Variants in MAP3K20 observed in about 807,000 individuals in gnomAD.
MAP3K20 encodes HCCS-4.
A neutral mutation model predicts 85.7 loss-of-function variants in MAP3K20; 40 were observed. The ratio of observed to expected loss-of-function variants is 0.47; its 90% confidence interval spans 0.36 to 0.61. The LOEUF (loss-of-function observed/expected upper bound fraction) is 0.61, where lower values mean the gene tolerates loss of function less well. MAP3K20 is among the 20% of genes least tolerant of loss of function. The pLI is 0.00. For missense variants in MAP3K20, 817 were observed against 961.7 expected (o/e 0.85, Z 1.99); for synonymous variants, 325 against 327.7 (o/e 0.99, Z 0.09).
chr2:173,154,678 C>T (rs1430084981), intron 2 of MAP3K20, among the ~76,000 whole-genome samples: 1 of 152,192 alleles, frequency 6.6e-6, no homozygotes, highest in Non-Finnish European at 1.5e-5. Context: ...TGACTTCCAG[C>T]ACTCTGATGC....
intron 2 of MAP3K20, among the ~76,000 whole-genome samples, chr2:173,139,362 C>G (rs1688902718): frequency 6.6e-6 from 1 of 152,188 alleles, no homozygotes; most frequent in African/African-American, 2.4e-5. Flanking sequence ...TGAAGGAGAA[C>G]TCAGTAGCCT....
intron 2 of MAP3K20, among the ~76,000 whole-genome samples, chr2:173,128,984 C>T (rs1371433890): frequency 4.5e-5 from 6 of 133,610 alleles, no homozygotes; most frequent in African/African-American, 1.1e-4. Context: ...AGTGCAATGG[C>T]GCAATCTCGG....
intron 2 of MAP3K20, among the ~76,000 whole-genome samples, chr2:173,104,280 C>T (rs917384415): frequency 1.3e-5 from 2 of 152,120 alleles, no homozygotes; most frequent in Non-Finnish European, 2.9e-5. Context: ...AAGCATTTTA[C>T]CCCTGAGGTT....
At chr2:173,183,571 G>A (rs1036857982) in intron 4 of MAP3K20, among the ~76,000 whole-genome samples, 1 of 151,898 alleles carries the variant, frequency 6.6e-6, no homozygotes, top group African/African-American at 2.4e-5. Context: ...GCTTTCTAAA[G>A]CAATTCAAAC....
intron 1 of MAP3K20, among the ~76,000 whole-genome samples, chr2:173,087,473 C>T (rs1172381969): frequency 6.6e-6 from 1 of 152,142 alleles, no homozygotes; most frequent in Non-Finnish European, 1.5e-5. Flanking sequence ...ATGAATAACA[C>T]AAGAAACTTT....
intron 2 of MAP3K20, among the ~76,000 whole-genome samples, chr2:173,144,904 C>A (rs1450002124): frequency 1.3e-5 from 2 of 152,032 alleles, no homozygotes; most frequent in Non-Finnish European, 1.5e-5. Context: ...AATATAGATG[C>A]AACAGAATTT....
At chr2:173,109,595 G>T (rs1235594706) in intron 2 of MAP3K20, among the ~76,000 whole-genome samples, 1 of 151,960 alleles carries the variant, frequency 6.6e-6, no homozygotes, top group Non-Finnish European at 1.5e-5. Flanking sequence ...TATAAAGAAA[G>T]AAGTATTTCA....
chr2:173,253,910 A>G (rs1685097232), intron 16 of MAP3K20, among the ~76,000 whole-genome samples: 1 of 151,906 alleles, frequency 6.6e-6, no homozygotes, highest in Non-Finnish European at 1.5e-5. Context: ...TCTACAAAGA[A>G]TAAAGGCGAA....
At chr2:173,169,975 G>A (rs1410088242) in intron 3 of MAP3K20, 83 bp downstream of exon 3, 13 of 1,277,100 alleles carry the variant, frequency 1.0e-5, no homozygotes, top group African/African-American at 1.5e-5. Flanking sequence ...TTAATATTAG[G>A]CTCAGTTATG....
intron 11 of MAP3K20, chr2:173,223,601 A>T (rs1684309037): frequency 2.0e-6 from 2 of 985,354 alleles, no homozygotes; most frequent in South Asian, 9.4e-5. Flanking sequence ...CTTAGAATGT[A>T]AGCTAAACAG....
At chr2:173,249,218 G>T (rs1290999555) in intron 16 of MAP3K20, among the ~76,000 whole-genome samples, 2 of 152,186 alleles carry the variant, frequency 1.3e-5, no homozygotes, top group Non-Finnish European at 2.9e-5. Context: ...AGAGATCTTT[G>T]CTTTTAGAAG....
chr2:173,085,784 A>T (rs1420064681), intron 1 of MAP3K20, among the ~76,000 whole-genome samples: 10 of 73,732 alleles, frequency 1.4e-4, no homozygotes, highest in East Asian at 4.5e-4. Flanking sequence ...TGTAAAAGCA[A>T]TTTTTTTTTT....
At position 173,182,913 on chromosome 2, in the gene MAP3K20, G is replaced by C. The variant is rs1690371026; in HGVS notation, c.307G>C (p.Asp103His). 2 of 1,610,846 alleles carry C rather than the reference G, an allele frequency of 1.2e-6. No homozygotes were observed. Among genetic ancestry groups the C allele is most frequent in the Middle Eastern group, 1.7e-4 (1 of 6,054 alleles). Residue 103 changes from aspartate to histidine, a missense_variant, in exon 4 of 20, where the codon GAT (aspartate) becomes CAT (histidine). Transcript: ENST00000375213. ...TAACAGTAACAGAAGTGAGGAGATG[G>C]ATATGGATCACATTATGACCTGGGC... ...YINSNRSEEMDMDHIMTWATD... is the reference protein window; with the variant it reads ...YINSNRSEEMHMDHIMTWATD...
chr2:173,122,694 A>G (rs183771193), intron 2 of MAP3K20, among the ~76,000 whole-genome samples: 1 of 152,174 alleles, frequency 6.6e-6, no homozygotes, highest in Non-Finnish European at 1.5e-5. Flanking sequence ...ATTATACAGT[A>G]TTGTAGTAAA....
chr2:173,174,540 C>T (rs1039978878), intron 3 of MAP3K20, among the ~76,000 whole-genome samples: 4 of 152,208 alleles, frequency 2.6e-5, no homozygotes, highest in Admixed American at 1.3e-4. Flanking sequence ...ATGAACTCAT[C>T]CTTTTTTATG....
chr2:173,205,842 T>C (rs1252485087), intron 9 of MAP3K20, among the ~76,000 whole-genome samples: 1 of 152,324 alleles, frequency 6.6e-6, no homozygotes, highest in East Asian at 1.9e-4. Flanking sequence ...TTTTGAATGG[T>C]CTGCCCTGCT....
intron 2 of MAP3K20, among the ~76,000 whole-genome samples, chr2:173,160,661 C>T (rs929363733): frequency 3.4e-4 from 52 of 152,266 alleles, no homozygotes; most frequent in African/African-American, 1.2e-3. Context: ...GCTGTTTTGA[C>T]GTTATAGATT....
intron 2 of MAP3K20, among the ~76,000 whole-genome samples, chr2:173,167,210 C>A (rs1233689246): frequency 6.6e-6 from 1 of 151,818 alleles, no homozygotes; most frequent in Non-Finnish European, 1.5e-5. Context: ...CCACTGCGCC[C>A]GGCCAACAGT....
intron 2 of MAP3K20, among the ~76,000 whole-genome samples, chr2:173,132,663 A>G (rs1688651831): frequency 2.6e-5 from 4 of 152,298 alleles, no homozygotes; most frequent in South Asian, 4.1e-4. Flanking sequence ...GTGTGGTGTT[A>G]AAGGGATGGG....
Sources: gnomAD v4.1 joint callset for allele counts (sites outside exome capture counted in the v4.1 genomes callset) on GRCh38, gnomAD v4.1.1 for gene constraint, MANE v1.5 for transcripts, NCBI Gene and HGNC (gene_info 2026-07-23, HGNC 2026-07-21) for gene names.